Variants in SPAST observed in about 807,000 individuals in gnomAD.
SPAST encodes spastin, also known as spastic paraplegia 4 (autosomal dominant; spastin).
Under a neutral mutation model 76.6 loss-of-function variants are expected in SPAST, and 30 were observed. The observed-to-expected ratio is 0.39, with a 90% confidence interval of 0.29 to 0.53. The LOEUF is 0.53. Among genes scored for constraint, SPAST ranks in the 20% least tolerant of loss-of-function variants. SPAST has a pLI of 0.68. For synonymous variants in SPAST, 305 were observed against 281.0 expected (o/e 1.09, Z -0.86); for missense variants, 717 against 770.5 (o/e 0.93, Z 0.82).
chr2:32,114,795 G>A lies in SPAST; in HGVS notation c.840G>A (p.Gln280=). 6.2e-7 allele frequency: 1 copy of A among 1,614,062 alleles called. No individual in the cohort carries two copies. The change falls in exon 5 of 17, where the codon CAG becomes CAA. Residue 280 remains glutamine, a synonymous_variant. Coordinates refer to ENST00000315285, the MANE Select transcript of SPAST (RefSeq NM_014946.4). The part of the protein sequence containing the change: ...SGLSMVSGVK[Q]GSGPAPTTHK... Reference sequence around the variant, plus strand: ...TATCCATGGTTTCTGGAGTGAAACAGGGATCTGGTCCTGCTCCTACCACTC... The same window carrying A: ...TATCCATGGTTTCTGGAGTGAAACAAGGATCTGGTCCTGCTCCTACCACTC...
rs1680205095 is a variant in SPAST, at chr2:32,154,930, C to T, written c.*434C>T. The T allele has an allele frequency of 5.9e-6, 1 of 168,270 alleles. No homozygotes were observed. The highest frequency in any genetic ancestry group is 1.3e-5 in the Non-Finnish European group (1 of 77,630). The allele number at this position is 168,270 out of a possible 1,614,324, so 10.4% of individuals were successfully genotyped here. On this transcript the variant is annotated 3_prime_UTR_variant, in exon 17 of 17. Coordinates refer to ENST00000315285, the MANE Select transcript of SPAST (RefSeq NM_014946.4). ...TAATTTCTCCTACTTTTCTTTTCTA[C>T]TGTTGTCTTAACTACAGGTGATTGG...
chr2:32,107,197 C>T (rs919056086), intron 4 of SPAST, among the ~76,000 whole-genome samples: 8 of 151,956 alleles, frequency 5.3e-5, no homozygotes, highest in Admixed American at 2.0e-4. Context: ...GTTGAATATC[C>T]CTAATATGAA....
At position 32,080,855 on chromosome 2, in the gene SPAST, C is replaced by G. The variant is rs575190289; in HGVS notation, c.416-6637C>G. ...TGTTGCCCAAGCTGCAGTGCCATGG[C>G]ACGATCTCAGCTCGCTGCAACCTCC... On this transcript the variant is annotated intron_variant, in intron 1 of 16. Coordinates refer to ENST00000315285, the MANE Select transcript of SPAST (RefSeq NM_014946.4). 7.0e-5 allele frequency among the ~76,000 whole-genome samples: 9 copies of G among 129,024 alleles called. No homozygotes were observed. In the East Asian group the frequency reaches 2.4e-3, roughly 34 times the overall value. The allele number at this position is 129,024 out of a possible 152,430, so 84.6% of individuals were successfully genotyped here. A position where few individuals can be genotyped will look rare whatever the true frequency, so the allele number is the denominator to read the frequency against.
Position 32,063,708 on chromosome 2 carries a change from C to T in SPAST, c.-124C>T. 7.5e-7 allele frequency: 1 copy of T among 1,328,404 alleles called. No individual in the cohort carries two copies. Among genetic ancestry groups the T allele is most frequent in the Non-Finnish European group, 1.0e-6 (1 of 983,856 alleles). 82.3% of individuals were successfully genotyped at this position (1,328,404 alleles called of 1,614,324 possible). Reference sequence around the variant, plus strand: ...GCGGGCAGCGTGCGGCAGTGCGGAGCTCCTGAGACCGGCGGGCACACGGGG... The same window carrying T: ...GCGGGCAGCGTGCGGCAGTGCGGAGTTCCTGAGACCGGCGGGCACACGGGG... On this transcript the variant is annotated 5_prime_UTR_variant, in exon 1 of 17. Coordinates refer to ENST00000315285, the MANE Select transcript of SPAST (RefSeq NM_014946.4).
At chr2:32,079,937 T>C (rs182720222) in intron 1 of SPAST, among the ~76,000 whole-genome samples, 236 of 152,298 alleles carry the variant, frequency 1.5e-3, no homozygotes, top group Non-Finnish European at 2.5e-3. Context: ...TTCAATACTT[T>C]TGGATATATA....
intron 3 of SPAST, among the ~76,000 whole-genome samples, chr2:32,092,614 T>G (rs1176939469): frequency 6.6e-6 from 1 of 152,196 alleles, no homozygotes; most frequent in African/African-American, 2.4e-5. Context: ...ATTTAAAGAT[T>G]TAACGTTTTG....
At chr2:32,097,951 G>C (rs1288333736) in intron 3 of SPAST, among the ~76,000 whole-genome samples, 3 of 151,950 alleles carry the variant, frequency 2.0e-5, no homozygotes, top group African/African-American at 2.4e-5. Flanking sequence ...GCCTGCCTCA[G>C]CCTCCCAAAG....
intron 1 of SPAST, among the ~76,000 whole-genome samples, chr2:32,071,369 C>CT (rs1441118006): frequency 6.6e-6 from 1 of 152,130 alleles, no homozygotes; most frequent in Non-Finnish European, 1.5e-5. Flanking sequence ...CAGAAATTGT[C>CT]TAAGTAAAAT....
At chr2:32,107,491 G>A (rs1473030941) in intron 4 of SPAST, among the ~76,000 whole-genome samples, 1 of 152,140 alleles carries the variant, frequency 6.6e-6, no homozygotes, top group African/African-American at 2.4e-5. Context: ...GACCTTAAGT[G>A]ATCCACCTGC....
chr2:32,063,759 G>T lies in SPAST; in HGVS notation c.-73G>T. 2 of 1,523,044 alleles carry T rather than the reference G, an allele frequency of 1.3e-6. No homozygotes were observed. The highest frequency in any genetic ancestry group is 8.8e-7 in the Non-Finnish European group (1 of 1,140,480). The allele number at this position is 1,523,044 out of a possible 1,614,324, so 94.3% of individuals were successfully genotyped here. ...GTCTGTGGCCCCCGCCGTAGCAGTG[G>T]CTGCCGCCGTCGCTTGGTTCCCGTC... is the stretch of plus-strand genomic sequence containing the variant. On this transcript the variant is annotated 5_prime_UTR_variant, in exon 1 of 17. Coordinates refer to ENST00000315285, the MANE Select transcript of SPAST (RefSeq NM_014946.4).
chr2:32,082,726 G>T (rs1677289816), intron 1 of SPAST, among the ~76,000 whole-genome samples: 1 of 151,934 alleles, frequency 6.6e-6, no homozygotes, highest in Non-Finnish European at 1.5e-5. Flanking sequence ...TGTCCCTATG[G>T]TTTTATCTTC....
chr2:32,149,353 C>T (rs184957424), intron 16 of SPAST, among the ~76,000 whole-genome samples: 1 of 151,804 alleles, frequency 6.6e-6, no homozygotes, highest in Admixed American at 6.6e-5. Flanking sequence ...CAGCCTCGGC[C>T]TCCCTAAGTG....
chr2:32,093,645 C>G (rs1677809501), intron 3 of SPAST, among the ~76,000 whole-genome samples: 1 of 152,074 alleles, frequency 6.6e-6, no homozygotes. Context: ...GGAATATAAA[C>G]TCTATGGAGG....
At position 32,155,339 on chromosome 2, in the gene SPAST, A is replaced by G. The variant is rs1266118351; in HGVS notation, c.*843A>G. 3 of 152,512 alleles carry G rather than the reference A, an allele frequency of 2.0e-5. No homozygotes were observed. Among genetic ancestry groups the G allele is most frequent in the African/African-American group, 4.8e-5 (2 of 41,418 alleles). 9.4% of individuals were successfully genotyped at this position (152,512 alleles called of 1,614,324 possible). A position where few individuals can be genotyped will look rare whatever the true frequency, so the allele number is the denominator to read the frequency against. The stretch of plus-strand genomic sequence containing the variant: ...CCTGATGGAATTTATTTTCTGCAAG[A>G]ATTATTCTGATATTTAAGAGAGCCA... On this transcript the variant is annotated 3_prime_UTR_variant, in exon 17 of 17. Transcript: ENST00000315285.
chr2:32,154,137 C>A (rs966903540), intron 16 of SPAST, among the ~76,000 whole-genome samples: 1 of 151,984 alleles, frequency 6.6e-6, no homozygotes, highest in Non-Finnish European at 1.5e-5. Context: ...AATGTTAATA[C>A]CTATGAAACT....
intron 1 of SPAST, among the ~76,000 whole-genome samples, chr2:32,078,935 T>C (rs1041229268): frequency 6.6e-6 from 1 of 152,156 alleles, no homozygotes; most frequent in Admixed American, 6.6e-5. Context: ...TATTGCAGCC[T>C]CAATCTCCTG....
intron 1 of SPAST, among the ~76,000 whole-genome samples, chr2:32,066,354 T>C (rs530882350): frequency 1.3e-5 from 2 of 152,200 alleles, no homozygotes; most frequent in African/African-American, 4.8e-5. Flanking sequence ...AGTTTTAGAA[T>C]AGAGGAACAT....
chr2:32,104,578 A>T (rs1162381852), intron 4 of SPAST, among the ~76,000 whole-genome samples: 3 of 152,182 alleles, frequency 2.0e-5, no homozygotes, highest in Non-Finnish European at 2.9e-5. Context: ...ATGTTTTTGC[A>T]GTGGCTTGTA....
chr2:32,083,756 A>ATTTTTTTT (rs1677348073), intron 1 of SPAST, among the ~76,000 whole-genome samples: 1 of 48,728 alleles, frequency 2.1e-5, no homozygotes, highest in Non-Finnish European at 4.1e-5. Context: ...TATACTATAT[A>ATTTTTTTT]TATATATATA....
Sources: gnomAD v4.1 joint callset for allele counts (sites outside exome capture counted in the v4.1 genomes callset) on GRCh38, gnomAD v4.1.1 for gene constraint, MANE v1.5 for transcripts, NCBI Gene and HGNC (gene_info 2026-07-23, HGNC 2026-07-21) for gene names.